Variants in FER1L5 observed in about 807,000 individuals in gnomAD.
FER1L5 encodes fer-1 like family member 5.
Under a neutral mutation model 279.9 loss-of-function variants are expected in FER1L5, and 187 were observed. The ratio of observed to expected loss-of-function variants is 0.67; its 90% CI spans 0.59 to 0.75. The LOEUF (loss-of-function observed/expected upper bound fraction) is 0.75, where lower values mean the gene tolerates loss of function less well. Among genes scored for constraint, FER1L5 ranks in the 30% least tolerant of loss-of-function variants. The probability of loss-of-function intolerance (pLI) is 0.00; values close to 1 mark genes in which losing one functional copy is unlikely to be tolerated. For synonymous variants in FER1L5, 921 were observed against 989.7 expected, an observed-to-expected ratio of 0.93 and a Z score of 1.30; for missense variants, 2,091 against 2,594.4, an observed-to-expected ratio of 0.81 and a Z score of 4.21.
In FER1L5 at chr2:96,650,191, C is replaced by T. The variant is rs1210229098; in HGVS notation, c.406C>T (p.His136Tyr). The part of the protein sequence containing the change: ...QDIEKTGAED[H>Y]LGITAREAAS... ...CTGTGTCTCCCCAGGAGCTGAAGAC[C>T]ACCTGGGCATAACGGCAAGAGAGGC... The change falls in exon 6 of 53, where the codon CAC becomes TAC. Residue 136 changes from histidine to tyrosine, a missense_variant. Coordinates refer to ENST00000624922, the MANE Select transcript of FER1L5 (RefSeq NM_001293083.2). The T allele has an allele frequency of 1.9e-6, 3 of 1,551,694 alleles. No homozygotes were observed. The highest frequency in any genetic ancestry group is 1.2e-5 in the South Asian group (1 of 84,062).
Position 96,702,168 on chromosome 2 carries a change from C to T in FER1L5, c.5159+125C>T, listed in dbSNP as rs938862037. 4 of 1,564,496 alleles carry T rather than the reference C, an allele frequency of 2.6e-6. No homozygotes were observed. Among genetic ancestry groups the T allele is most frequent in the Non-Finnish European group, 3.5e-6 (4 of 1,152,992 alleles). ...TTCTCTATTGGGAAGAGAGGAAGCT[C>T]TACTGGGAGCTTTCTTCCCCTGAAT... On this transcript the variant is annotated intron_variant, in intron 46 of 52. Transcript: ENST00000624922. This position sits in a 1 kb window ranked among gnomAD's most constrained non-coding sequence, Gnocchi z 4.0.
intron 6 of FER1L5, among the ~76,000 whole-genome samples, chr2:96,651,372 CCTT>C (rs1269880899): frequency 6.7e-5 from 10 of 149,294 alleles, no homozygotes; most frequent in African/African-American, 2.2e-4. Flanking sequence ...TTCCTTCCTT[CCTT>C]CTTTCCTTTC....
rs1338467740 is a variant in FER1L5, at chr2:96,685,315, C to T, written c.1795-14C>T. Reference sequence around the variant, plus strand: ...TGAGGCGGGCTCTCTCACCATTTCTCTCCTGCTGGGCAGAAAGCCAACCTG... The same window carrying T: ...TGAGGCGGGCTCTCTCACCATTTCTTTCCTGCTGGGCAGAAAGCCAACCTG... On this transcript the variant is annotated splice_polypyrimidine_tract_variant and intron_variant, in intron 20 of 52. Coordinates refer to ENST00000624922, the MANE Select transcript of FER1L5 (RefSeq NM_001293083.2). The T allele has an allele frequency of 6.4e-7, 1 of 1,550,772 alleles. No individual in the cohort carries two copies. Among genetic ancestry groups the T allele is most frequent in the East Asian group, 2.4e-5 (1 of 40,930 alleles).
In FER1L5 at chr2:96,670,283, AGAGCCCTGTCTGCCCC is replaced by A. The variant is rs1484683742; in HGVS notation, c.1491+38_1491+53del. The A allele has an allele frequency of 1.9e-6, 3 of 1,549,174 alleles. No individual in the cohort carries two copies. The African/African-American group carries it at 4.1e-5, about 21-fold the overall frequency. On this transcript the variant is annotated intron_variant, in intron 18 of 52. Transcript: ENST00000624922. ...GAAACAGGTAACCCAGGGAAAAACA[AGAGCCCTGTCTGCCCC>A]GGATCTACTGTGGATCCCAGTTTCT...
chr2:96,648,823 A>C (rs564828683), intron 4 of FER1L5, among the ~76,000 whole-genome samples: 1 of 152,308 alleles, frequency 6.6e-6, no homozygotes, highest in African/African-American at 2.4e-5. Context: ...TGTGACTTAC[A>C]ATGGATGGAC....
chr2:96,647,039 G>C, intron 2 of FER1L5, 25 bp from the exon 3 acceptor site: 1 of 1,547,050 alleles, frequency 6.5e-7, no homozygotes, highest in Non-Finnish European at 8.7e-7. Context: ...GAGGGAGGAT[G>C]CTGACCTCTC....
chr2:96,672,933 C>A, intron 18 of FER1L5, 144 bp from the exon 19 acceptor site: 4 of 1,008,244 alleles, frequency 4.0e-6, no homozygotes, highest in South Asian at 1.7e-5. Flanking sequence ...CAGCAGGGTG[C>A]GAGGGAGCCT....
intron 4 of FER1L5, 108 bp from the exon 5 acceptor site, chr2:96,649,515 C>A: frequency 9.9e-7 from 1 of 1,011,676 alleles, no homozygotes. Flanking sequence ...GCATCACGGC[C>A]CCCACCAGGA....
At chr2:96,680,520 C>T (rs2076680208) in intron 19 of FER1L5, among the ~76,000 whole-genome samples, 1 of 151,810 alleles carries the variant, frequency 6.6e-6, no homozygotes, top group African/African-American at 2.4e-5. Flanking sequence ...ATGATTTCTT[C>T]TAGATCTTCA....
intron 27 of FER1L5, 22 bp downstream of exon 27, chr2:96,690,611 G>A (rs966448435): frequency 6.5e-7 from 1 of 1,546,198 alleles, no homozygotes; most frequent in Non-Finnish European, 8.8e-7. Flanking sequence ...GGTCAGGGTT[G>A]GGATCGGGAG....
Position 96,694,495 on chromosome 2 carries a change from C to G in FER1L5, c.3741+31C>G. On this transcript the variant is annotated intron_variant, in intron 34 of 52. Coordinates refer to ENST00000624922, the MANE Select transcript of FER1L5 (RefSeq NM_001293083.2). The surrounding 1 kb of genome is among the most constrained non-coding windows in gnomAD (Gnocchi z 4.6). The stretch of plus-strand genomic sequence containing the variant: ...GGCGATGTGGGATGGGGACGGTGGG[C>G]AGGACAGGCGGGGGTGGTCTGGAGT... 6.6e-7 allele frequency: 1 copy of G among 1,509,186 alleles called. No homozygotes were observed. The allele number at this position is 1,509,186 out of a possible 1,614,324, so 93.5% of individuals were successfully genotyped here. A position where few individuals can be genotyped will look rare whatever the true frequency, so the allele number is the denominator to read the frequency against.
intron 4 of FER1L5, 54 bp from the exon 5 acceptor site, chr2:96,649,568 CT>C: frequency 6.5e-7 from 1 of 1,527,642 alleles, no homozygotes; most frequent in Non-Finnish European, 8.9e-7. Flanking sequence ...GGCTTGGGTG[CT>C]GTGTCCAAGG....
Position 96,698,558 on chromosome 2 carries a change from C to A in FER1L5, c.4357-113C>A. On this transcript the variant is annotated intron_variant, in intron 40 of 52. Transcript: ENST00000624922. The surrounding 1 kb of genome is among the most constrained non-coding windows in gnomAD (Gnocchi z 5.5). Reference sequence around the variant, plus strand: ...TGTCCTCATGGCCTTCTATCCCTGCCACCCTCAGCCCAACCCTCTCTCTCC... The same window carrying A: ...TGTCCTCATGGCCTTCTATCCCTGCAACCCTCAGCCCAACCCTCTCTCTCC... The A allele has an allele frequency of 1.1e-6, 1 of 896,248 alleles. No individual in the cohort carries two copies. The highest frequency in any genetic ancestry group is 1.7e-6 in the Non-Finnish European group (1 of 587,552). 55.5% of individuals were successfully genotyped at this position (896,248 alleles called of 1,614,324 possible).
Position 96,689,919 on chromosome 2 carries a change from G to A in FER1L5, c.2640+161G>A, listed in dbSNP as rs1485101634. ...ACCAGCCCTCAGGCACTCTCTCTCA[G>A]CACTGATGGGGTGAGGGGTTTGTAG... On this transcript the variant is annotated intron_variant, in intron 26 of 52. Transcript: ENST00000624922. This position sits in a 1 kb window ranked among gnomAD's most constrained non-coding sequence, Gnocchi z 4.6. Among the ~76,000 whole-genome samples the A allele has an allele frequency of 6.6e-6, 1 of 152,196 alleles. No individual in the cohort carries two copies. The highest frequency in any genetic ancestry group is 1.5e-5 in the Non-Finnish European group (1 of 68,030).
chr2:96,695,982 C>T (rs931513394), intron 36 of FER1L5, 70 bp from the exon 37 acceptor site: 8 of 1,604,930 alleles, frequency 5.0e-6, no homozygotes, highest in South Asian at 3.4e-5. Context: ...CCTGCTACCC[C>T]GTGGGGTTGG....
At chr2:96,696,186 G>A in intron 37 of FER1L5, 109 bp downstream of exon 37, 1 of 1,419,844 alleles carries the variant, frequency 7.0e-7, no homozygotes, top group Non-Finnish European at 9.7e-7. Context: ...GCCCAACTGT[G>A]AGGCCCACCT....
rs573947669 is a variant in FER1L5, at chr2:96,647,056, C to A, written c.139-8C>A. On this transcript the variant is annotated splice_polypyrimidine_tract_variant and splice_region_variant and intron_variant, in intron 2 of 52. Coordinates refer to ENST00000624922, the MANE Select transcript of FER1L5 (RefSeq NM_001293083.2). ...GGGAGGATGCTGACCTCTCTATGCC[C>A]CCCACAGACCCTAATCTGGCACCTC... 3.9e-5 allele frequency: 61 copies of A among 1,551,340 alleles called. No individual in the cohort carries two copies. Among genetic ancestry groups the A allele is most frequent in the Non-Finnish European group, 5.1e-5 (58 of 1,146,888 alleles).
At position 96,686,890 on chromosome 2, in the gene FER1L5, A is replaced by G. The variant is rs571925192; in HGVS notation, c.2229+540A>G. 1.5e-3 allele frequency among the ~76,000 whole-genome samples: 230 copies of G among 151,256 alleles called. 1 individual carries two copies. The highest frequency in any genetic ancestry group is 5.2e-3 in the African/African-American group (216 of 41,224). On this transcript the variant is annotated intron_variant, in intron 23 of 52. Transcript: ENST00000624922. ...AAAAAAAAAAAAAAACAGAAAACAA[A>G]TCCACCTCCTCTATCATCCTCATGG...
chr2:96,674,942 C>T (rs777303320), intron 19 of FER1L5, among the ~76,000 whole-genome samples: 6 of 152,208 alleles, frequency 3.9e-5, no homozygotes, highest in Non-Finnish European at 7.3e-5. Flanking sequence ...CAACAAGTAA[C>T]CATGACCCTG....
Sources: gnomAD v4.1 joint callset for allele counts (sites outside exome capture counted in the v4.1 genomes callset) on GRCh38, gnomAD v4.1.1 for gene constraint, Gnocchi (gnomAD v3.1) non-coding constraint, MANE v1.5 for transcripts, NCBI Gene and HGNC (gene_info 2026-07-23, HGNC 2026-07-21) for gene names.